Variants in DCC observed in about 807,000 individuals in gnomAD.
The protein encoded by DCC is netrin receptor DCC.
Under a neutral mutation model 172.5 loss-of-function variants are expected in DCC, and 58 were observed. That is an observed-to-expected ratio of 0.34 (90% CI 0.27 to 0.42). The LOEUF is 0.42. Among genes scored for constraint, DCC ranks in the 10% least tolerant of loss-of-function variants. The pLI is 1.00. For missense variants in DCC, 1,740 were observed against 1,791.0 expected (o/e 0.97, Z 0.51); for synonymous variants, 709 against 644.5 (o/e 1.10, Z -1.52).
chr18:53,245,951 G>T (rs1339413630), intron 12 of DCC, among the ~76,000 whole-genome samples: 1 of 151,994 alleles, frequency 6.6e-6, no homozygotes, highest in East Asian at 1.9e-4. Flanking sequence ...AGTTGGCTGA[G>T]CATTTTGGAT....
At chr18:53,291,618 T>C (rs964747035) in intron 12 of DCC, among the ~76,000 whole-genome samples, 1 of 152,212 alleles carries the variant, frequency 6.6e-6, no homozygotes, top group African/African-American at 2.4e-5. Context: ...TAATTTTACA[T>C]ATAACTCCCC....
intron 1 of DCC, among the ~76,000 whole-genome samples, chr18:52,662,935 C>G (rs2035389947): frequency 6.6e-6 from 1 of 152,240 alleles, no homozygotes; most frequent in South Asian, 2.1e-4. Flanking sequence ...TTCATGAGGG[C>G]TCCACAATGA....
chr18:52,814,927 G>T (rs1040650382), intron 2 of DCC, among the ~76,000 whole-genome samples: 5 of 152,064 alleles, frequency 3.3e-5, no homozygotes, highest in African/African-American at 1.2e-4. Flanking sequence ...AAAAAATGAG[G>T]CTATATTTCT....
intron 2 of DCC, among the ~76,000 whole-genome samples, chr18:52,830,785 C>T (rs1334190568): frequency 1.3e-5 from 2 of 152,102 alleles, no homozygotes; most frequent in Admixed American, 6.6e-5. Flanking sequence ...TAATCCATTT[C>T]CATTAAATGT....
chr18:53,528,376 G>A (rs183871208), intron 28 of DCC, among the ~76,000 whole-genome samples: 13 of 152,128 alleles, frequency 8.5e-5, no homozygotes, highest in East Asian at 3.9e-4. Context: ...ACTTTTGTGC[G>A]TTAGAATATA....
intron 10 of DCC, among the ~76,000 whole-genome samples, chr18:53,206,828 GA>G (rs2055657606): frequency 6.6e-6 from 1 of 151,298 alleles, no homozygotes; most frequent in Admixed American, 6.6e-5. Flanking sequence ...GTCAAGCATA[GA>G]AAGGCCTTCC....
intron 3 of DCC, among the ~76,000 whole-genome samples, chr18:52,909,137 C>T (rs1467244251): frequency 6.6e-6 from 1 of 152,088 alleles, no homozygotes; most frequent in Non-Finnish European, 1.5e-5. Context: ...TCTTAGTTGC[C>T]ACTTAGCGTT....
At chr18:53,396,942 A>T (rs181870851) in intron 17 of DCC, among the ~76,000 whole-genome samples, 68 of 152,196 alleles carry the variant, frequency 4.5e-4, no homozygotes, top group African/African-American at 1.6e-3. Flanking sequence ...ACTTTGAAAA[A>T]AGATATGTAA....
intron 2 of DCC, among the ~76,000 whole-genome samples, chr18:52,870,741 A>T (rs1227595945): frequency 2.3e-5 from 3 of 129,440 alleles, no homozygotes; most frequent in African/African-American, 8.8e-5. Context: ...TAGGTTCACT[A>T]TGATTTCATC....
intron 25 of DCC, among the ~76,000 whole-genome samples, chr18:53,476,661 C>G (rs1349615342): frequency 6.6e-6 from 1 of 152,086 alleles, no homozygotes; most frequent in Admixed American, 6.6e-5. Flanking sequence ...TTATCAGGAT[C>G]ATGAAAACAG....
At chr18:52,383,242 A>G (rs994811806) in intron 1 of DCC, among the ~76,000 whole-genome samples, 3 of 152,090 alleles carry the variant, frequency 2.0e-5, no homozygotes, top group East Asian at 1.9e-4. Context: ...TTTACCTCTT[A>G]CTCTAAATTT....
At chr18:53,470,795 C>T (rs1382032680) in intron 25 of DCC, among the ~76,000 whole-genome samples, 1 of 152,132 alleles carries the variant, frequency 6.6e-6, no homozygotes, top group Admixed American at 6.6e-5. Flanking sequence ...AACTCACTCA[C>T]CATCACGAGG....
chr18:52,720,007 A>G (rs545886720), intron 1 of DCC, among the ~76,000 whole-genome samples: 1 of 152,224 alleles, frequency 6.6e-6, no homozygotes, highest in South Asian at 2.1e-4. Flanking sequence ...TCTGAATTCT[A>G]TTTTAAGATG....
At chr18:52,616,911 A>G (rs982352945) in intron 1 of DCC, among the ~76,000 whole-genome samples, 3 of 152,164 alleles carry the variant, frequency 2.0e-5, no homozygotes, top group Non-Finnish European at 2.9e-5. Context: ...TAAGGACAAT[A>G]CTGCAGAATG....
intron 7 of DCC, among the ~76,000 whole-genome samples, chr18:53,113,747 G>A (rs140316097): frequency 4.0e-5 from 6 of 150,950 alleles, no homozygotes; most frequent in Admixed American, 1.3e-4. Context: ...TGCATTTCTT[G>A]TCTTAACAAA....
rs570020415 is a variant in DCC at position 53,465,105 on chromosome 18, C to T, written c.3620-2789C>T. Among the ~76,000 whole-genome samples the T allele has an allele frequency of 5.3e-5, 8 of 151,714 alleles. No individual in the cohort carries two copies. The South Asian group carries it at 1.7e-3, about 32-fold the overall frequency. The stretch of plus-strand genomic sequence containing the variant: ...GTGTTTTAATGTTTGCTTCTACTGT[C>T]AAACATAATTTTGAAAACTAAAGAG... On this transcript the variant is annotated intron_variant, in intron 24 of 28. Coordinates refer to ENST00000442544, the MANE Select transcript of DCC (RefSeq NM_005215.4).
intron 1 of DCC, among the ~76,000 whole-genome samples, chr18:52,717,616 G>C (rs1421546845): frequency 6.6e-6 from 1 of 151,908 alleles, no homozygotes; most frequent in Non-Finnish European, 1.5e-5. Context: ...AGAACTTTGA[G>C]AGCCTCAAAA....
intron 2 of DCC, among the ~76,000 whole-genome samples, chr18:52,827,425 T>C (rs1285404521): frequency 6.6e-6 from 1 of 152,220 alleles, no homozygotes; most frequent in Non-Finnish European, 1.5e-5. Context: ...ATTTGGGAAG[T>C]ATATCCCTAG....
intron 11 of DCC, among the ~76,000 whole-genome samples, chr18:53,210,435 T>C (rs904284146): frequency 4.6e-5 from 7 of 152,196 alleles, no homozygotes; most frequent in African/African-American, 1.7e-4. Context: ...ACATTATCTC[T>C]ACCAAAGTGC....
Sources: gnomAD v4.1 joint callset for allele counts (sites outside exome capture counted in the v4.1 genomes callset) on GRCh38, gnomAD v4.1.1 for gene constraint, MANE v1.5 for transcripts, NCBI Gene and HGNC (gene_info 2026-07-23, HGNC 2026-07-21) for gene names.